ABTB3: variants seen among roughly 807,000 people sequenced by gnomAD.
The protein encoded by ABTB3 is ankyrin repeat- and BTB/POZ domain-containing protein 3.
At chr12:107,329,359 A>C in the ABTB3 span, among the ~76,000 whole-genome samples, 1 of 152,202 alleles carries the variant, frequency 6.6e-6, no homozygotes, top group Non-Finnish European at 1.5e-5. Context: ...TCTGCTTAAT[A>C]AGGGTAATGG....
At chr12:107,512,019 G>A in the ABTB3 span, among the ~76,000 whole-genome samples, 1 of 152,122 alleles carries the variant, frequency 6.6e-6, no homozygotes, top group Non-Finnish European at 1.5e-5. Flanking sequence ...AGACCAGTAA[G>A]TACCCTGGGT....
the ABTB3 span, among the ~76,000 whole-genome samples, chr12:107,520,878 C>T: frequency 6.6e-6 from 1 of 152,208 alleles, no homozygotes; most frequent in South Asian, 2.1e-4. Flanking sequence ...CTAAGCTTTT[C>T]TGAACCTCAG....
At chr12:107,393,373 T>G in the ABTB3 span, among the ~76,000 whole-genome samples, 7 of 151,526 alleles carry the variant, frequency 4.6e-5, no homozygotes, top group Admixed American at 4.6e-4. Context: ...GCCAGGGAAA[T>G]GAAAATCCAT....
chr12:107,539,843 T>G, the ABTB3 span, among the ~76,000 whole-genome samples: 2 of 152,166 alleles, frequency 1.3e-5, no homozygotes, highest in Non-Finnish European at 2.9e-5. Flanking sequence ...GGAGCTGAGA[T>G]TTGAACTCTT....
the ABTB3 span, among the ~76,000 whole-genome samples, chr12:107,433,356 G>T: frequency 6.6e-6 from 1 of 150,850 alleles, no homozygotes; most frequent in Non-Finnish European, 1.5e-5. Context: ...AGGCAAGGGG[G>T]TTTGTTGGAT....
chr12:107,559,308 T>C, the ABTB3 span, among the ~76,000 whole-genome samples: 2 of 152,200 alleles, frequency 1.3e-5, no homozygotes, highest in African/African-American at 2.4e-5. Flanking sequence ...CCCCAGGTTG[T>C]TGGCTTGCTC....
chr12:107,589,818 A>G, the ABTB3 span, among the ~76,000 whole-genome samples: 2 of 152,274 alleles, frequency 1.3e-5, no homozygotes, highest in Admixed American at 6.5e-5. Flanking sequence ...TTGGGGCCCA[A>G]TAAATAATTG....
At chr12:107,439,865 G>T in the ABTB3 span, among the ~76,000 whole-genome samples, 1 of 151,962 alleles carries the variant, frequency 6.6e-6, no homozygotes, top group Non-Finnish European at 1.5e-5. Flanking sequence ...TTGTTTTGTT[G>T]CATCCTTAAA....
chr12:107,459,351 G>T, the ABTB3 span, among the ~76,000 whole-genome samples: 1 of 152,212 alleles, frequency 6.6e-6, no homozygotes, highest in South Asian at 2.1e-4. Context: ...GATTCAACAA[G>T]TATTTACTGA....
chr12:107,537,812 G>C, the ABTB3 span, among the ~76,000 whole-genome samples: 24,010 of 152,168 alleles, frequency 0.16, 2,304 homozygotes, highest in East Asian at 0.29. Flanking sequence ...GCCTCTGCAA[G>C]TTCGTCCCGC....
At chr12:107,511,574 C>T in the ABTB3 span, among the ~76,000 whole-genome samples, 97 of 152,126 alleles carry the variant, frequency 6.4e-4, no homozygotes, top group African/African-American at 2.2e-3. Context: ...CTCTTGGTGG[C>T]GGCAGGGTTC....
At chr12:107,445,158 G>C in the ABTB3 span, among the ~76,000 whole-genome samples, 20 of 152,200 alleles carry the variant, frequency 1.3e-4, no homozygotes, top group African/African-American at 4.3e-4. Flanking sequence ...GACAGGTATT[G>C]ATTGTCATCA....
the ABTB3 span, among the ~76,000 whole-genome samples, chr12:107,563,128 A>G: frequency 1.3e-5 from 2 of 152,152 alleles, no homozygotes; most frequent in Non-Finnish European, 2.9e-5. Flanking sequence ...TTAAATCTTA[A>G]TTATGTGAAA....
chr12:107,534,493 G>C, the ABTB3 span, among the ~76,000 whole-genome samples: 10 of 151,998 alleles, frequency 6.6e-5, no homozygotes, highest in South Asian at 2.1e-3. Context: ...CAATACAAAG[G>C]ATCAATGAAA....
the ABTB3 span, among the ~76,000 whole-genome samples, chr12:107,532,207 T>C: frequency 6.6e-6 from 1 of 152,220 alleles, no homozygotes; most frequent in Non-Finnish European, 1.5e-5. Flanking sequence ...CCAGCACCCA[T>C]GTGTGCCATG....
At chr12:107,543,885 C>T in the ABTB3 span, 1 of 1,521,414 alleles carries the variant, frequency 6.6e-7, no homozygotes, top group Non-Finnish European at 8.9e-7. Context: ...TACAGTTTCT[C>T]TGCCAATGTT....
chr12:107,331,455 G>C, the ABTB3 span, among the ~76,000 whole-genome samples: 1 of 152,332 alleles, frequency 6.6e-6, no homozygotes, highest in African/African-American at 2.4e-5. Flanking sequence ...CTTAGACTGC[G>C]GGGTGAGGTC....
chr12:107,353,556 G>A, the ABTB3 span, among the ~76,000 whole-genome samples: 1 of 152,118 alleles, frequency 6.6e-6, no homozygotes, highest in East Asian at 1.9e-4. Flanking sequence ...ATACTTAAAA[G>A]GTTTGCTTAA....
chr12:107,589,855 T>C, the ABTB3 span, among the ~76,000 whole-genome samples: 2 of 152,246 alleles, frequency 1.3e-5, no homozygotes, highest in African/African-American at 2.4e-5. Flanking sequence ...TGCAGAGAGC[T>C]GTCAGGAAGT....
Sources: allele counts gnomAD v4.1 joint callset (sites outside exome capture counted in the v4.1 genomes callset), GRCh38; gene constraint gnomAD v4.1.1; transcripts MANE v1.5; gene names NCBI Gene and HGNC (gene_info 2026-07-23, HGNC 2026-07-21).